ANKRD42: variants seen among roughly 807,000 people sequenced by gnomAD.
ANKRD42 encodes the protein ankyrin repeat domain 42.
Under a neutral mutation model 51.5 loss-of-function variants are expected in ANKRD42, and 43 were observed. That is an observed-to-expected ratio of 0.83 (90% confidence interval 0.65 to 1.08). The LOEUF (loss-of-function observed/expected upper bound fraction) is 1.08, where lower values mean the gene tolerates loss of function less well. Ranked by LOEUF, ANKRD42 falls within the 50% of genes least tolerant of loss-of-function variation. The probability of loss-of-function intolerance (pLI) is 0.00; values close to 1 mark genes in which losing one functional copy is unlikely to be tolerated. For synonymous variants in ANKRD42, 203 were observed against 213.0 expected (o/e 0.95, Z 0.41); for missense variants, 608 against 629.3 (o/e 0.97, Z 0.36).
At chr11:83,234,957 T>C (rs1026921317) in intron 7 of ANKRD42, among the ~76,000 whole-genome samples, 1 of 152,130 alleles carries the variant, frequency 6.6e-6, no homozygotes, top group African/African-American at 2.4e-5. Context: ...TCCCTTGATA[T>C]TCCTCTGTGT....
chr11:83,239,750 C>A (rs1355082621), intron 8 of ANKRD42, among the ~76,000 whole-genome samples: 1 of 152,150 alleles, frequency 6.6e-6, no homozygotes, highest in Non-Finnish European at 1.5e-5. Flanking sequence ...ATTTTTGTAT[C>A]AGCATCAAAT....
intron 7 of ANKRD42, among the ~76,000 whole-genome samples, chr11:83,231,648 T>G (rs150725976): frequency 1.6e-4 from 24 of 152,322 alleles, no homozygotes; most frequent in African/African-American, 5.5e-4. Context: ...CCTGGAGAGT[T>G]TCCCCAATGT....
At chr11:83,196,726 G>A (rs1272402544) in intron 1 of ANKRD42, among the ~76,000 whole-genome samples, 4 of 152,096 alleles carry the variant, frequency 2.6e-5, no homozygotes, top group Non-Finnish European at 5.9e-5. Context: ...TTATCCTTAT[G>A]GTAGACACCA....
intron 3 of ANKRD42, among the ~76,000 whole-genome samples, chr11:83,208,036 T>A (rs1211287672): frequency 1.3e-5 from 2 of 152,148 alleles, no homozygotes; most frequent in Admixed American, 1.3e-4. Context: ...TTTGTTTTTG[T>A]TTTTTGAGAC....
chr11:83,231,552 C>A (rs1209809326), intron 7 of ANKRD42, among the ~76,000 whole-genome samples: 2 of 152,024 alleles, frequency 1.3e-5, no homozygotes, highest in African/African-American at 4.8e-5. Context: ...AGCTTTTTAA[C>A]TTGATGTGAT....
Position 83,224,960 on chromosome 11 carries a change from A to G in ANKRD42, c.692A>G (p.Asn231Ser). ...AAAGCTTTCAATGATAATGGAGAAA[A>G]TGTACTGGATTTGGCCCAGAGGTTC... is the stretch of plus-strand genomic sequence containing the variant. Reference protein sequence around the residue: ...VLKAFNDNGENVLDLAQRFFK... With the variant: ...VLKAFNDNGESVLDLAQRFFK... Residue 231 changes from asparagine (N) to serine (S), a missense_variant, in exon 6 of 11, where the codon AAT becomes AGT. Asn to Ser is a conservative substitution (Grantham distance 46, BLOSUM62 1). Coordinates refer to ENST00000533342, the MANE Select transcript of ANKRD42 (RefSeq NM_001300975.2). The G allele has an allele frequency of 6.2e-7, 1 of 1,613,672 alleles. No homozygotes were observed. The highest frequency in any genetic ancestry group is 1.1e-5 in the South Asian group (1 of 91,034).
chr11:83,245,573 G>A lies in ANKRD42; in HGVS notation c.1271G>A (p.Gly424Asp). 6.5e-7 allele frequency: 1 copy of A among 1,536,630 alleles called. No individual in the cohort carries two copies. Among genetic ancestry groups the A allele is most frequent in the Non-Finnish European group, 8.7e-7 (1 of 1,146,986 alleles). ...GAGAGCAACTATAAACACTTGGGAGGCATAACAGAAGAAGATTTAAAGCAG... is the reference window on the plus strand; with the variant it reads ...GAGAGCAACTATAAACACTTGGGAGACATAACAGAAGAAGATTTAAAGCAG... ...IAESNYKHLG[G>D]ITEEDLKQKK... Residue 424 changes from glycine to aspartate, a missense_variant, in exon 10 of 11, where the codon GGC becomes GAC. Transcript: ENST00000533342.
chr11:83,225,020 C>T lies in ANKRD42; in HGVS notation c.752C>T (p.Ala251Val). 3 of 1,611,778 alleles carry T rather than the reference C, an allele frequency of 1.9e-6. No individual in the cohort carries two copies. Among genetic ancestry groups the T allele is most frequent in the Non-Finnish European group, 2.5e-6 (3 of 1,178,858 alleles). Residue 251 changes from alanine (A) to valine (V), a missense_variant, in exon 6 of 11, where the codon GCT becomes GTT. By Grantham distance (64) the Ala-to-Val change is moderately conservative. Transcript: ENST00000533342. ...AACATTTTACAGTTTATCCAGGGGG[C>T]TGAGTATGAAGGAAAAGACCTAGAG... Reference protein sequence around the residue: ...KQNILQFIQGAEYEGKDLEDQ... With the variant: ...KQNILQFIQGVEYEGKDLEDQ...
intron 5 of ANKRD42, chr11:83,213,538 C>T: frequency 3.1e-6 from 4 of 1,273,202 alleles, no homozygotes; most frequent in South Asian, 3.5e-5. Context: ...TCCATTTTCA[C>T]ATATGGTATT....
chr11:83,245,451 G>A, intron 9 of ANKRD42, 47 bp from the exon 10 acceptor site: 2 of 1,523,500 alleles, frequency 1.3e-6, no homozygotes, highest in Non-Finnish European at 1.8e-6. Flanking sequence ...GTGGACACAT[G>A]AGCTGTTATA....
At chr11:83,229,242 A>G (rs1862993113) in intron 7 of ANKRD42, among the ~76,000 whole-genome samples, 2 of 152,028 alleles carry the variant, frequency 1.3e-5, no homozygotes, top group Non-Finnish European at 2.9e-5. Context: ...TAAATTAGTC[A>G]AATTGGATTA....
intron 1 of ANKRD42, among the ~76,000 whole-genome samples, chr11:83,196,390 T>A (rs1235698870): frequency 8.7e-6 from 1 of 114,298 alleles, no homozygotes; most frequent in African/African-American, 4.8e-5. Flanking sequence ...TGTGTGTGAG[T>A]GTGTGAGAGT....
intron 3 of ANKRD42, among the ~76,000 whole-genome samples, chr11:83,208,689 A>G (rs1032466625): frequency 2.0e-5 from 3 of 152,208 alleles, no homozygotes; most frequent in Non-Finnish European, 4.4e-5. Context: ...GATAATTATG[A>G]TGGAATGAAT....
intron 9 of ANKRD42, 150 bp downstream of exon 9, chr11:83,241,084 T>C: frequency 7.8e-6 from 7 of 901,864 alleles, no homozygotes; most frequent in Non-Finnish European, 1.1e-5. Context: ...ATATAAGTTT[T>C]TGTACTAGGG....
At chr11:83,228,231 CTTTTTT>C (rs11403803) in intron 7 of ANKRD42, among the ~76,000 whole-genome samples, 3,874 of 59,030 alleles carry the variant, frequency 0.066, 684 homozygotes, top group East Asian at 0.17. Flanking sequence ...CTCTCTCTCT[CTTTTTT>C]TTTTTTTTTT....
At chr11:83,211,660 A>G (rs1862325284) in intron 5 of ANKRD42, among the ~76,000 whole-genome samples, 1 of 151,774 alleles carries the variant, frequency 6.6e-6, no homozygotes, top group African/African-American at 2.4e-5. Flanking sequence ...AAAAGAAAGA[A>G]AAAAGCTGGG....
At chr11:83,207,421 A>G (rs1320294409) in intron 3 of ANKRD42, among the ~76,000 whole-genome samples, 2 of 152,258 alleles carry the variant, frequency 1.3e-5, no homozygotes, top group Admixed American at 1.3e-4. Flanking sequence ...GTATGATTAA[A>G]GTTCTAATGA....
exon 12 of ANKRD42, chr11:83,256,016 T>C: frequency 1.0e-6 from 1 of 978,350 alleles, no homozygotes; most frequent in Non-Finnish European, 1.5e-6. Flanking sequence ...ATACAAACTA[T>C]CTCAGAATTA....
chr11:83,233,978 C>T (rs1039041978), intron 7 of ANKRD42, among the ~76,000 whole-genome samples: 5 of 152,180 alleles, frequency 3.3e-5, no homozygotes, highest in South Asian at 2.1e-4. Flanking sequence ...CCACGGTGCC[C>T]GGCCTCATTA....
Sources: gnomAD v4.1 joint callset for allele counts (sites outside exome capture counted in the v4.1 genomes callset) on GRCh38, gnomAD v4.1.1 for gene constraint, MANE v1.5 for transcripts, NCBI Gene and HGNC (gene_info 2026-07-23, HGNC 2026-07-21) for gene names.